The following LHX6 variants were observed in gnomAD, a reference collection of about 807,000 sequenced individuals.
LHX6 encodes LIM/homeobox protein Lhx6.
Under a neutral mutation model 47.1 loss-of-function variants are expected in LHX6, and 15 were observed. That is an observed-to-expected ratio of 0.32 (90% CI 0.21 to 0.49). The LOEUF (loss-of-function observed/expected upper bound fraction) is 0.49. Among genes scored for constraint, LHX6 ranks in the 20% least tolerant of loss-of-function variants. The pLI is 0.99. For missense variants in LHX6, 404 were observed against 539.6 expected (o/e 0.75, Z 2.49); for synonymous variants, 242 against 233.5 (o/e 1.04, Z -0.33).
chr9:122,205,733 T>C (rs561664220), intron 9 of LHX6, among the ~76,000 whole-genome samples: 1 of 152,322 alleles, frequency 6.6e-6, no homozygotes, highest in Admixed American at 6.5e-5. Context: ...GCATTTTCTG[T>C]GCACCAGGCT....
chr9:122,224,341 T>A (rs1831002083), intron 4 of LHX6, among the ~76,000 whole-genome samples: 1 of 152,174 alleles, frequency 6.6e-6, no homozygotes, highest in African/African-American at 2.4e-5. Flanking sequence ...GCATGTTTTA[T>A]ACCAACTGGA....
intron 5 of LHX6, among the ~76,000 whole-genome samples, chr9:122,215,735 C>G (rs1429763346): frequency 6.6e-6 from 1 of 152,182 alleles, no homozygotes; most frequent in African/African-American, 2.4e-5. Flanking sequence ...CCCCTTAGAC[C>G]CACTTAGTCC....
Position 122,207,824 on chromosome 9 carries a change from G to T in LHX6, c.1158+1790C>A, listed in dbSNP as rs572276273. On this transcript the variant is annotated intron_variant, in intron 9 of 9. Coordinates refer to ENST00000394319, the MANE Select transcript of LHX6 (RefSeq NM_014368.5). Reference sequence around the variant, plus strand: ...GCTGCCCGTTAGAATCACACAGGCTGAGTATTACACTCGCAGATCCCTATA... The same window carrying T: ...GCTGCCCGTTAGAATCACACAGGCTTAGTATTACACTCGCAGATCCCTATA... Among the ~76,000 whole-genome samples, 8 of 152,218 alleles carry T rather than the reference G, an allele frequency of 5.3e-5. 1 individual carries two copies. The South Asian group carries it at 1.5e-3, about 28-fold the overall frequency.
intron 4 of LHX6, among the ~76,000 whole-genome samples, chr9:122,222,849 G>A (rs1291979824): frequency 6.6e-6 from 1 of 152,184 alleles, no homozygotes; most frequent in Non-Finnish European, 1.5e-5. Flanking sequence ...ATGGGGCCTT[G>A]GCCACTCCCT....
chr9:122,211,256 T>TG (rs1830388609), intron 8 of LHX6, among the ~76,000 whole-genome samples: 1 of 152,256 alleles, frequency 6.6e-6, no homozygotes, highest in African/African-American at 2.4e-5. Context: ...TGTGCCCTTC[T>TG]GAGCCACAGT....
chr9:122,206,012 C>T (rs568886019), intron 9 of LHX6, among the ~76,000 whole-genome samples: 2 of 152,126 alleles, frequency 1.3e-5, no homozygotes, highest in Non-Finnish European at 2.9e-5. Flanking sequence ...TTAGGAAAAG[C>T]TCTCTCAAGA....
In LHX6 at chr9:122,214,517, C is replaced by G. The variant is rs1451930248; in HGVS notation, c.683-134G>C. The G allele has an allele frequency of 7.8e-7, 1 of 1,276,300 alleles. No homozygotes were observed. The highest frequency in any genetic ancestry group is 1.6e-5 in the African/African-American group (1 of 63,050). The allele number at this position is 1,276,300 out of a possible 1,614,324, so 79.1% of individuals were successfully genotyped here. A position where few individuals can be genotyped will look rare whatever the true frequency, so the allele number is the denominator to read the frequency against. ...TGGCTGGGAGCAGGGATCCCAGGGT[C>G]CTAGTCCCTGAGCTCAGTCTTTGGG... On this transcript the variant is annotated intron_variant, in intron 5 of 9. Transcript: ENST00000394319. This position sits in a 1 kb window ranked among gnomAD's most constrained non-coding sequence, Gnocchi z 4.6.
At chr9:122,221,541 T>C in intron 4 of LHX6, 1 of 985,678 alleles carries the variant, frequency 1.0e-6, no homozygotes, top group Non-Finnish European at 1.2e-6. Context: ...AGAGGAACTT[T>C]AGCCTCCAGG....
chr9:122,211,688 G>A (rs998070451), intron 8 of LHX6, among the ~76,000 whole-genome samples: 4 of 152,226 alleles, frequency 2.6e-5, no homozygotes, highest in Non-Finnish European at 4.4e-5. Context: ...AAGGGTAAGA[G>A]GAGAGGGCAC....
In LHX6 at chr9:122,214,032, T is replaced by A. The variant is rs1453959910; in HGVS notation, c.821A>T (p.Asp274Val). 6.3e-7 allele frequency: 1 copy of A among 1,577,440 alleles called. No individual in the cohort carries two copies. Among genetic ancestry groups the A allele is most frequent in the Non-Finnish European group, 8.6e-7 (1 of 1,165,788 alleles). The change falls in exon 7 of 10, where the codon GAC (aspartate) becomes GTC (valine). Residue 274 changes from aspartate (D) to valine (V), a missense_variant. Asp to Val is a radical substitution (Grantham distance 152). Coordinates refer to ENST00000394319, the MANE Select transcript of LHX6 (RefSeq NM_014368.5). The surrounding 1 kb of genome is among the most constrained non-coding windows in gnomAD (Gnocchi z 4.6). ...CGCCAGCTTCTGCAGCGTCTGAGCG[T>A]CGGGGTTGTTGTCCTGCGCGAACTG... The part of the protein sequence containing the change: ...QAQFAQDNNP[D>V]AQTLQKLADM...
chr9:122,208,399 C>T (rs992088618), intron 9 of LHX6, among the ~76,000 whole-genome samples: 2 of 152,124 alleles, frequency 1.3e-5, no homozygotes, highest in African/African-American at 4.8e-5. Flanking sequence ...TTGGGATCTG[C>T]CTCCCCCTCC....
At chr9:122,219,888 G>C (rs116765204) in intron 4 of LHX6, among the ~76,000 whole-genome samples, 1,625 of 152,330 alleles carry the variant, frequency 0.011, 25 homozygotes, top group African/African-American at 0.037. Context: ...GCAGCGCCGC[G>C]TCCTCTCTCC....
In LHX6 at chr9:122,211,233, C is replaced by T. The variant is rs577497743; in HGVS notation, c.1055-1516G>A. ...AGACACTTACAACTGATATATAAAC[C>T]GGGACAATTCACTGTGCCCTTCTGA... On this transcript the variant is annotated intron_variant, in intron 8 of 9. Transcript: ENST00000394319. Among the ~76,000 whole-genome samples, 25 of 152,226 alleles carry T rather than the reference C, an allele frequency of 1.6e-4. No individual in the cohort carries two copies. The South Asian group carries it at 1.9e-3, about 11-fold the overall frequency.
In LHX6 at chr9:122,204,697, G is replaced by A. The variant is rs761563046; in HGVS notation, c.*63C>T. 3 of 1,588,570 alleles carry A rather than the reference G, an allele frequency of 1.9e-6. No individual in the cohort carries two copies. Among genetic ancestry groups the A allele is most frequent in the Non-Finnish European group, 2.6e-6 (3 of 1,166,420 alleles). On this transcript the variant is annotated 3_prime_UTR_variant, in exon 10 of 10. Transcript: ENST00000394319. ...ACTCCTGGCCGCAGCTTGGACACTG[G>A]ATCTCAGCGGCTGAGGGGCAGCTGT...
In LHX6 at chr9:122,228,863, C is replaced by T. The variant is rs1831223323; in HGVS notation, c.-123G>A. ...GAGGAGAGCCGAGGCGCCGGCCCCG[C>T]CGCCCCGGGCCCGGCCTCAGCCCCC... is the stretch of plus-strand genomic sequence containing the variant. On this transcript the variant is annotated 5_prime_UTR_variant, in exon 1 of 10. Coordinates refer to ENST00000394319, the MANE Select transcript of LHX6 (RefSeq NM_014368.5). 9.3e-6 allele frequency: 5 copies of T among 538,274 alleles called. No homozygotes were observed. The highest frequency in any genetic ancestry group is 5.3e-5 in the East Asian group (1 of 18,906). 33.3% of individuals were successfully genotyped at this position (538,274 alleles called of 1,614,324 possible).
chr9:122,214,417 C>G lies in LHX6; in HGVS notation c.683-34G>C, dbSNP rs774186289. 1.3e-6 allele frequency: 2 copies of G among 1,523,492 alleles called. No individual in the cohort carries two copies. Among genetic ancestry groups the G allele is most frequent in the Admixed American group, 4.2e-5 (2 of 47,664 alleles). The allele number at this position is 1,523,492 out of a possible 1,614,324, so 94.4% of individuals were successfully genotyped here. On this transcript the variant is annotated intron_variant, in intron 5 of 9. Transcript: ENST00000394319. The surrounding 1 kb of genome is among the most constrained non-coding windows in gnomAD (Gnocchi z 4.6). ...GATAGAAGCAGCTGACCACGCGTCC[C>G]CATCTCTTCTAGTGGCAGCCTGGAA...
At chr9:122,224,403 C>T (rs904123395) in intron 4 of LHX6, among the ~76,000 whole-genome samples, 1 of 152,164 alleles carries the variant, frequency 6.6e-6, no homozygotes, top group Admixed American at 6.5e-5. Flanking sequence ...CCTCCATTTC[C>T]TGTCCTGGCC....
At chr9:122,206,322 C>T (rs1830178398) in intron 9 of LHX6, among the ~76,000 whole-genome samples, 1 of 152,304 alleles carries the variant, frequency 6.6e-6, no homozygotes, top group East Asian at 1.9e-4. Flanking sequence ...CTCCTCACAG[C>T]TAGGCAGGCT....
intron 2 of LHX6, 130 bp downstream of exon 2, chr9:122,227,279 A>G: frequency 9.9e-7 from 1 of 1,014,484 alleles, no homozygotes; most frequent in Non-Finnish European, 1.4e-6. Context: ...ACCGAGGCTC[A>G]GAGAGGGGCG....
Sources: gnomAD v4.1 joint callset for allele counts (sites outside exome capture counted in the v4.1 genomes callset) on GRCh38, gnomAD v4.1.1 for gene constraint, Gnocchi (gnomAD v3.1) non-coding constraint, MANE v1.5 for transcripts, NCBI Gene and HGNC (gene_info 2026-07-23, HGNC 2026-07-21) for gene names.